TBCK: variants seen among roughly 807,000 people sequenced by gnomAD.
TBCK encodes the protein TBC1 domain containing kinase.
In TBCK, 99 loss-of-function variants were observed where a neutral mutation model predicts 113.4. That is an observed-to-expected ratio of 0.87 (90% confidence interval 0.74 to 1.03). The LOEUF is 1.03. Among genes scored for constraint, TBCK ranks in the 50% least tolerant of loss-of-function variants. The pLI is 0.00. For missense variants in TBCK, 1,045 were observed against 1,061.3 expected, an observed-to-expected ratio of 0.98 and a Z score of 0.21; for synonymous variants, 369 against 370.8, an observed-to-expected ratio of 1.00 and a Z score of 0.05.
intron 19 of TBCK, among the ~76,000 whole-genome samples, chr4:106,215,917 T>G (rs1333422579): frequency 1.3e-5 from 2 of 150,812 alleles, no homozygotes; most frequent in Non-Finnish European, 3.0e-5. Context: ...ATATACATTT[T>G]TTTCAGCACC....
At chr4:106,214,364 C>T (rs577493710) in intron 19 of TBCK, among the ~76,000 whole-genome samples, 40 of 152,292 alleles carry the variant, frequency 2.6e-4, no homozygotes, top group East Asian at 2.5e-3. Flanking sequence ...CACAGCTGGA[C>T]GGAGAATGAC....
chr4:106,171,032 G>C (rs1750926264), intron 23 of TBCK, 63 bp downstream of exon 23: 1 of 1,279,868 alleles, frequency 7.8e-7, no homozygotes, highest in Non-Finnish European at 1.1e-6. Context: ...AAGATACTAG[G>C]GTATATTAAT....
At chr4:106,117,474 T>C (rs1022285365) in intron 23 of TBCK, among the ~76,000 whole-genome samples, 1 of 152,158 alleles carries the variant, frequency 6.6e-6, no homozygotes, top group Non-Finnish European at 1.5e-5. Context: ...CAATGTGTCT[T>C]AACTGTGAAG....
chr4:106,270,926 T>C (rs1157420219), intron 3 of TBCK, among the ~76,000 whole-genome samples: 1 of 152,192 alleles, frequency 6.6e-6, no homozygotes, highest in Non-Finnish European at 1.5e-5. Flanking sequence ...TGATTATATT[T>C]AGATCAGAAA....
chr4:106,151,974 T>G (rs1748545611), intron 23 of TBCK, among the ~76,000 whole-genome samples: 1 of 151,964 alleles, frequency 6.6e-6, no homozygotes, highest in South Asian at 2.1e-4. Flanking sequence ...CTTCTAATAC[T>G]GTTTTTTATG....
chr4:106,047,469 T>C (rs1434554282), intron 25 of TBCK, among the ~76,000 whole-genome samples: 3 of 152,166 alleles, frequency 2.0e-5, no homozygotes, highest in Non-Finnish European at 4.4e-5. Context: ...CACCAATTCC[T>C]GTCCCCTCTT....
Position 106,265,345 on chromosome 4 carries a change from G to T in TBCK, c.267-3133C>A, listed in dbSNP as rs547207965. 2.6e-5 allele frequency among the ~76,000 whole-genome samples: 4 copies of T among 152,020 alleles called. No homozygotes were observed. The South Asian group carries it at 8.3e-4, about 32-fold the overall frequency. On this transcript the variant is annotated intron_variant, in intron 3 of 25. Transcript: ENST00000394708. ...TAATAATCACACCATGTAAAATGGG[G>T]TGTCCCCCCGAAGTATTTATCCTTT...
intron 12 of TBCK, among the ~76,000 whole-genome samples, chr4:106,239,067 A>T (rs1324767103): frequency 6.6e-6 from 1 of 151,862 alleles, no homozygotes. Context: ...CAGCCAGAGT[A>T]CTCTGTTTTC....
Position 106,093,486 on chromosome 4 carries a change from G to A in TBCK, c.2571+1996C>T, listed in dbSNP as rs543607064. Among the ~76,000 whole-genome samples the A allele has an allele frequency of 6.1e-4, 93 of 152,304 alleles. 3 individuals are homozygous for A. The highest frequency in any genetic ancestry group is 1.7e-3 in the Admixed American group (26 of 15,302). On this transcript the variant is annotated intron_variant, in intron 25 of 25. Transcript: ENST00000394708. ...TGCACCACTGCACTCCAGCCTGGGC[G>A]AAAGGGCGAGACTCGTCTCAAACAA...
intron 20 of TBCK, among the ~76,000 whole-genome samples, chr4:106,199,251 A>C (rs1754606143): frequency 6.6e-6 from 1 of 152,064 alleles, no homozygotes; most frequent in Non-Finnish European, 1.5e-5. Flanking sequence ...TTTACCAATC[A>C]GCAGGATTTG....
At chr4:106,142,701 G>C (rs1050317867) in intron 23 of TBCK, among the ~76,000 whole-genome samples, 3 of 152,238 alleles carry the variant, frequency 2.0e-5, no homozygotes, top group African/African-American at 7.2e-5. Flanking sequence ...TGAACTTTAA[G>C]GCTGCATAAG....
intron 3 of TBCK, among the ~76,000 whole-genome samples, chr4:106,282,429 T>G (rs1302944427): frequency 6.6e-6 from 1 of 152,070 alleles, no homozygotes; most frequent in Non-Finnish European, 1.5e-5. Context: ...TTTATTATTT[T>G]TTTTCTTCTA....
Position 106,230,455 on chromosome 4 carries a change from G to A in TBCK, c.1691-9C>T. On this transcript the variant is annotated splice_polypyrimidine_tract_variant and intron_variant, in intron 18 of 25. Transcript: ENST00000394708. ...ACATGCATAAGCCAAGGCTAAAAGA[G>A]AATAAGGCAAAGGCATGTAAAAAAT... is the stretch of plus-strand genomic sequence containing the variant. 1.9e-6 allele frequency: 3 copies of A among 1,571,904 alleles called. No homozygotes were observed. The highest frequency in any genetic ancestry group is 2.6e-6 in the Non-Finnish European group (3 of 1,150,402).
intron 3 of TBCK, among the ~76,000 whole-genome samples, chr4:106,289,767 CAAAAAAAAAAAAG>C (rs1490871326): frequency 4.6e-5 from 3 of 65,246 alleles, no homozygotes; most frequent in Non-Finnish European, 9.3e-5. Context: ...GACTCTGTCT[CAAAAAAAAAAAAG>C]AAAAAAAAAA....
At position 106,139,669 on chromosome 4, in the gene TBCK, AGC is replaced by A. The variant is rs1305403946; in HGVS notation, c.2236-23293_2236-23292del. ...ATCAGAAAGGTTATGTACATGCCAC[AGC>A]CAACCTTAAAACCAGAGATCATAGA... is the stretch of plus-strand genomic sequence containing the variant. On this transcript the variant is annotated intron_variant, in intron 23 of 25. Coordinates refer to ENST00000394708, the MANE Select transcript of TBCK (RefSeq NM_001163435.3). 1.4e-5 allele frequency among the ~76,000 whole-genome samples: 2 copies of A among 141,558 alleles called. 1 individual carries two copies. The highest frequency in any genetic ancestry group is 4.0e-4 in the East Asian group (2 of 4,980). 92.9% of individuals were successfully genotyped at this position (141,558 alleles called of 152,430 possible). A position where few individuals can be genotyped will look rare whatever the true frequency, so the allele number is the denominator to read the frequency against.
chr4:106,161,919 C>T (rs897569215), intron 23 of TBCK, among the ~76,000 whole-genome samples: 3 of 152,098 alleles, frequency 2.0e-5, no homozygotes, highest in African/African-American at 7.2e-5. Context: ...ACTCCCAAAT[C>T]TCATGTCCTC....
At chr4:106,156,252 C>A (rs1036086453) in intron 23 of TBCK, among the ~76,000 whole-genome samples, 6 of 152,178 alleles carry the variant, frequency 3.9e-5, no homozygotes, top group African/African-American at 1.4e-4. Context: ...TCTGAGCCAC[C>A]TAGAGCTTGG....
chr4:106,196,982 C>T (rs749942783), intron 20 of TBCK, among the ~76,000 whole-genome samples: 14 of 152,082 alleles, frequency 9.2e-5, no homozygotes, highest in African/African-American at 3.4e-4. Context: ...GGTGGCATAA[C>T]AGGAACCAGA....
intron 25 of TBCK, among the ~76,000 whole-genome samples, chr4:106,087,123 G>C (rs1229133022): frequency 6.6e-6 from 1 of 152,154 alleles, no homozygotes; most frequent in Non-Finnish European, 1.5e-5. Flanking sequence ...TATTCAAATA[G>C]GAAGAGAGGA....
Sources: gnomAD v4.1 joint callset for allele counts (sites outside exome capture counted in the v4.1 genomes callset) on GRCh38, gnomAD v4.1.1 for gene constraint, MANE v1.5 for transcripts, NCBI Gene and HGNC (gene_info 2026-07-23, HGNC 2026-07-21) for gene names.